Variants in GRM8 observed in about 807,000 individuals in gnomAD.
GRM8 encodes glutamate metabotropic receptor 8.
GRM8 carries 47 observed loss-of-function variants against 87.2 expected under a neutral mutation model. The ratio of observed to expected loss-of-function variants is 0.54; its 90% CI spans 0.43 to 0.69. The LOEUF (loss-of-function observed/expected upper bound fraction) is 0.69. Ranked by LOEUF, GRM8 falls within the 30% of genes least tolerant of loss-of-function variation. GRM8 has a pLI of 0.00. For missense variants in GRM8, 1,019 were observed against 1,139.2 expected (o/e 0.89, Z 1.52); for synonymous variants, 396 against 404.5 (o/e 0.98, Z 0.25).
At chr7:127,182,632 G>GGTGTGTGTGTGTGTGTGTGTGT (rs35530710) in intron 2 of GRM8, among the ~76,000 whole-genome samples, 1 of 141,720 alleles carries the variant, frequency 7.1e-6, no homozygotes, top group Non-Finnish European at 1.5e-5. Context: ...AAGAAAGTGT[G>GGTGTGTGTGTGTGTGTGTGTGT]GTGTGTGTGT....
chr7:127,051,343 GC>G (rs200779513), intron 3 of GRM8, among the ~76,000 whole-genome samples: 4 of 56,174 alleles, frequency 7.1e-5, no homozygotes, highest in Non-Finnish European at 1.0e-4. Flanking sequence ...TCCCTTCGTG[GC>G]AAAAAAAAAA....
intron 9 of GRM8, among the ~76,000 whole-genome samples, chr7:126,488,798 T>A (rs1047086469): frequency 2.6e-5 from 4 of 152,008 alleles, no homozygotes; most frequent in Admixed American, 1.3e-4. Context: ...TGCTATAGTA[T>A]TCTGCACAGT....
At chr7:126,508,241 A>T (rs1311680588) in intron 9 of GRM8, among the ~76,000 whole-genome samples, 1 of 96,838 alleles carries the variant, frequency 1.0e-5, no homozygotes, top group Non-Finnish European at 2.1e-5. Flanking sequence ...ATCAAAACAC[A>T]CACACACTGG....
At chr7:127,126,942 G>A (rs1323941053) in intron 2 of GRM8, among the ~76,000 whole-genome samples, 1 of 151,964 alleles carries the variant, frequency 6.6e-6, no homozygotes, top group African/African-American at 2.4e-5. Flanking sequence ...AAATTCAGAA[G>A]AGAAGATATA....
intron 2 of GRM8, among the ~76,000 whole-genome samples, chr7:127,120,507 C>T (rs6952013): frequency 0.11 from 16,915 of 152,142 alleles, 1,084 homozygotes; most frequent in African/African-American, 0.16. Flanking sequence ...CCACCCCAGA[C>T]CTACTGAATG....
intron 2 of GRM8, among the ~76,000 whole-genome samples, chr7:127,222,300 C>T (rs965503814): frequency 2.6e-5 from 4 of 152,138 alleles, no homozygotes; most frequent in Admixed American, 2.6e-4. Flanking sequence ...CCCAACTATT[C>T]AGGAGGCTGA....
At chr7:126,916,043 T>G (rs1803866585) in intron 3 of GRM8, among the ~76,000 whole-genome samples, 3 of 152,194 alleles carry the variant, frequency 2.0e-5, no homozygotes, top group African/African-American at 4.8e-5. Flanking sequence ...ACAGGAAGAT[T>G]TCAAAAGAGA....
At chr7:127,082,702 T>A (rs917025883) in intron 3 of GRM8, among the ~76,000 whole-genome samples, 2 of 152,220 alleles carry the variant, frequency 1.3e-5, no homozygotes, top group African/African-American at 4.8e-5. Context: ...TCCTCGATTA[T>A]AATAATAATG....
chr7:126,951,881 T>A (rs1444009673), intron 3 of GRM8, among the ~76,000 whole-genome samples: 1 of 151,784 alleles, frequency 6.6e-6, no homozygotes, highest in African/African-American at 2.4e-5. Flanking sequence ...AATATAGAGG[T>A]GTGTATATGT....
intron 6 of GRM8, among the ~76,000 whole-genome samples, chr7:126,898,556 T>G (rs947903504): frequency 6.6e-6 from 1 of 152,210 alleles, no homozygotes; most frequent in African/African-American, 2.4e-5. Context: ...AACACCATTT[T>G]CATTGCACTA....
intron 9 of GRM8, among the ~76,000 whole-genome samples, chr7:126,491,475 A>C (rs1038148515): frequency 6.6e-6 from 1 of 152,116 alleles, no homozygotes; most frequent in African/African-American, 2.4e-5. Flanking sequence ...CAGTTTAAGA[A>C]AAAGATTATT....
chr7:127,220,306 C>A (rs1395105015), intron 2 of GRM8, among the ~76,000 whole-genome samples: 4 of 151,974 alleles, frequency 2.6e-5, no homozygotes, highest in Admixed American at 1.3e-4. Flanking sequence ...GCAAAAGCTG[C>A]AGTAAAAGAA....
chr7:127,030,940 A>C (rs1488620090), intron 3 of GRM8, among the ~76,000 whole-genome samples: 1 of 152,078 alleles, frequency 6.6e-6, no homozygotes, highest in Non-Finnish European at 1.5e-5. Context: ...TGAAGAATTA[A>C]TATTACTTTT....
At chr7:126,643,552 G>A (rs10954129) in intron 7 of GRM8, among the ~76,000 whole-genome samples, 46,620 of 151,234 alleles carry the variant, frequency 0.31, 8,028 homozygotes, top group East Asian at 0.43. Context: ...ATATGCATGC[G>A]AAAGGATAAT....
intron 3 of GRM8, among the ~76,000 whole-genome samples, chr7:126,905,764 TAATTA>T (rs1339201652): frequency 2.0e-5 from 3 of 152,156 alleles, no homozygotes; most frequent in Non-Finnish European, 4.4e-5. Context: ...ATAAAGTATA[TAATTA>T]ATAGGATACC....
intron 7 of GRM8, among the ~76,000 whole-genome samples, chr7:126,763,726 G>T (rs1009513354): frequency 1.3e-5 from 2 of 151,496 alleles, no homozygotes; most frequent in African/African-American, 2.4e-5. Flanking sequence ...AATCACTCTA[G>T]TTATTTTTGC....
intron 2 of GRM8, among the ~76,000 whole-genome samples, chr7:127,161,337 G>C (rs1793103708): frequency 6.6e-6 from 1 of 152,178 alleles, no homozygotes; most frequent in Non-Finnish European, 1.5e-5. Flanking sequence ...TGATCTGTGA[G>C]ATAGGGAGGT....
At position 127,099,732 on chromosome 7, in the gene GRM8, C is replaced by T. The variant is rs1238388562; in HGVS notation, c.727+6764G>A. 2.6e-5 allele frequency among the ~76,000 whole-genome samples: 4 copies of T among 152,310 alleles called. No individual in the cohort carries two copies. In the East Asian group the frequency reaches 7.7e-4, roughly 29 times the overall value. ...GTTGTCCTCCTAGCCCAAATCCCATCCCTACCACTGGAAGCTAACCTTCTG... is the reference window on the plus strand; with the variant it reads ...GTTGTCCTCCTAGCCCAAATCCCATTCCTACCACTGGAAGCTAACCTTCTG... On this transcript the variant is annotated intron_variant, in intron 3 of 10. Coordinates refer to ENST00000339582, the MANE Select transcript of GRM8 (RefSeq NM_000845.3).
rs513 is a variant in GRM8, at chr7:126,456,519, T to TAAAAAAAAAAAAA, written c.2431-10160_2431-10148dup. Among the ~76,000 whole-genome samples the TAAAAAAAAAAAAA allele has an allele frequency of 9.0e-4, 63 of 69,672 alleles. 2 individuals are homozygous for TAAAAAAAAAAAAA. Among genetic ancestry groups the TAAAAAAAAAAAAA allele is most frequent in the East Asian group, 9.9e-4 (3 of 3,040 alleles). 45.7% of individuals were successfully genotyped at this position (69,672 alleles called of 152,430 possible). A position where few individuals can be genotyped will look rare whatever the true frequency, so the allele number is the denominator to read the frequency against. ...TCCTAAGTGTAAGAAAGCAGCAAGC[T>TAAAAAAAAAAAAA]AAAAAAAAAAAAAAAAAAAAAAAAA... On this transcript the variant is annotated intron_variant, in intron 9 of 10. Coordinates refer to ENST00000339582, the MANE Select transcript of GRM8 (RefSeq NM_000845.3).
Sources: gnomAD v4.1 joint callset for allele counts (sites outside exome capture counted in the v4.1 genomes callset) on GRCh38, gnomAD v4.1.1 for gene constraint, MANE v1.5 for transcripts, NCBI Gene and HGNC (gene_info 2026-07-23, HGNC 2026-07-21) for gene names.